Variants in SORCS2 observed in about 807,000 individuals in gnomAD.
The protein encoded by SORCS2 is sortilin related VPS10 domain containing receptor 2, also known as VPS10 domain-containing receptor SorCS2.
SORCS2 carries 100 observed loss-of-function variants against 141.6 expected under a neutral mutation model. The observed-to-expected ratio is 0.71, with a 90% CI of 0.60 to 0.83. SORCS2 has a LOEUF of 0.83. Ranked by LOEUF, SORCS2 falls within the 40% of genes least tolerant of loss-of-function variation. SORCS2 has a pLI of 0.00. For missense variants in SORCS2, 1,646 were observed against 1,560.2 expected, an observed-to-expected ratio of 1.05 and a Z score of -0.93; for synonymous variants, 789 against 676.9, an observed-to-expected ratio of 1.17 and a Z score of -2.57.
chr4:7,400,385 C>T (rs184993799), intron 2 of SORCS2, among the ~76,000 whole-genome samples: 1 of 152,324 alleles, frequency 6.6e-6, no homozygotes, highest in East Asian at 1.9e-4. Flanking sequence ...TCCCTCACTA[C>T]TCAGTGCAAA....
intron 1 of SORCS2, among the ~76,000 whole-genome samples, chr4:7,368,118 G>A (rs902385449): frequency 2.0e-5 from 3 of 152,316 alleles, no homozygotes; most frequent in East Asian, 1.9e-4. Context: ...GTGGTGAGGC[G>A]GGTGGTGGTG....
At chr4:7,458,914 G>T (rs188820343) in intron 2 of SORCS2, among the ~76,000 whole-genome samples, 93 of 152,320 alleles carry the variant, frequency 6.1e-4, no homozygotes, top group Admixed American at 2.4e-3. Flanking sequence ...ATAACTGGCT[G>T]TGGGACCATG....
chr4:7,657,608 GGTGAGTGAGTCACTGAATGAGTTAGTGA>G (rs1193835721), intron 5 of SORCS2, among the ~76,000 whole-genome samples: 2 of 151,368 alleles, frequency 1.3e-5, no homozygotes, highest in African/African-American at 4.9e-5. Context: ...TGAGTGAGTG[GGTGAGTGAGTCACTGAATGAGTTAGTGA>G]GTGAGTGAAT....
chr4:7,688,794 G>A (rs908372114), intron 10 of SORCS2, among the ~76,000 whole-genome samples: 2 of 152,188 alleles, frequency 1.3e-5, no homozygotes, highest in South Asian at 2.1e-4. Context: ...CTCTCGTGGT[G>A]CACCCAAGGA....
Position 7,726,165 on chromosome 4 carries a change from A to C in SORCS2, c.2746-615A>C, listed in dbSNP as rs370258928. ...GCTTGGTGCCATGGATGACAGAGCC[A>C]TGGCTCATCCACAGCTGCGGTGGCC... On this transcript the variant is annotated intron_variant, in intron 20 of 26. Coordinates refer to ENST00000507866, the MANE Select transcript of SORCS2 (RefSeq NM_020777.3). Among the ~76,000 whole-genome samples, 558 of 152,336 alleles carry C rather than the reference A, an allele frequency of 3.7e-3. 10 individuals carry two copies. Among genetic ancestry groups the C allele is most frequent in the African/African-American group, 0.012 (519 of 41,590 alleles).
intron 4 of SORCS2, among the ~76,000 whole-genome samples, chr4:7,652,044 C>T (rs1286958041): frequency 6.6e-6 from 1 of 152,214 alleles, no homozygotes; most frequent in Non-Finnish European, 1.5e-5. Context: ...TGCCAGCACC[C>T]ATAACCAGTT....
Position 7,648,641 on chromosome 4 carries a change from G to A in SORCS2, c.814-5493G>A, listed in dbSNP as rs1208099489. On this transcript the variant is annotated intron_variant, in intron 4 of 26. Coordinates refer to ENST00000507866, the MANE Select transcript of SORCS2 (RefSeq NM_020777.3). This position sits in a 1 kb window ranked among gnomAD's most constrained non-coding sequence, Gnocchi z 4.2. ...TTAGAAGCTGCTGGGTCTACTGAGG[G>A]CGGGCGGGGAGTGAGGGGGCTGCCA... Among the ~76,000 whole-genome samples the A allele has an allele frequency of 6.6e-6, 1 of 152,134 alleles. No individual in the cohort carries two copies. The highest frequency in any genetic ancestry group is 2.4e-5 in the African/African-American group (1 of 41,410).
chr4:7,237,050 G>T (rs116110627), intron 1 of SORCS2, among the ~76,000 whole-genome samples: 1 of 152,164 alleles, frequency 6.6e-6, no homozygotes, highest in Non-Finnish European at 1.5e-5. Flanking sequence ...CTGTGCCAGC[G>T]CACATGGTCA....
At chr4:7,448,729 C>A (rs1319170169) in intron 2 of SORCS2, among the ~76,000 whole-genome samples, 3 of 128,570 alleles carry the variant, frequency 2.3e-5, no homozygotes, top group Non-Finnish European at 5.1e-5. Flanking sequence ...TTCCTCCCTC[C>A]CTTCCGTACT....
chr4:7,627,811 T>C (rs1285283571), intron 3 of SORCS2, among the ~76,000 whole-genome samples: 1 of 152,270 alleles, frequency 6.6e-6, no homozygotes, highest in African/African-American at 2.4e-5. Flanking sequence ...CATTCACCAG[T>C]GTTGGTTAGA....
intron 26 of SORCS2, 21 bp downstream of exon 26, chr4:7,737,193 G>T: frequency 2.6e-6 from 4 of 1,550,630 alleles, no homozygotes; most frequent in Non-Finnish European, 2.6e-6. Flanking sequence ...TATAGATGAT[G>T]ATCTCGACTC....
intron 2 of SORCS2, among the ~76,000 whole-genome samples, chr4:7,511,916 A>C (rs879480433): frequency 1.3e-5 from 2 of 152,192 alleles, no homozygotes; most frequent in African/African-American, 2.4e-5. Flanking sequence ...CCCAGGGCCC[A>C]AATCCCACCC....
chr4:7,489,799 C>A (rs1006004504), intron 2 of SORCS2, among the ~76,000 whole-genome samples: 5 of 152,154 alleles, frequency 3.3e-5, no homozygotes, highest in Non-Finnish European at 2.9e-5. Flanking sequence ...CCCTGTTCAT[C>A]AGGAAAATAC....
Position 7,723,728 on chromosome 4 carries a change from A to T in SORCS2, c.2456A>T (p.Asp819Val). The change falls in exon 19 of 27, where the codon GAC (aspartate) becomes GTC (valine). Residue 819 changes from aspartate to valine, a missense_variant. Coordinates refer to ENST00000507866, the MANE Select transcript of SORCS2 (RefSeq NM_020777.3). ...GDVLTTKYQVDLGDGFKAMYV... is the reference protein window; with the variant it reads ...GDVLTTKYQVVLGDGFKAMYV... ...GTCCTGACTACCAAGTACCAGGTAG[A>T]CCTTGGGGACGGCTTCAAGGCCATG... 4 of 1,613,970 alleles carry T rather than the reference A, an allele frequency of 2.5e-6. No homozygotes were observed. The highest frequency in any genetic ancestry group is 3.4e-6 in the Non-Finnish European group (4 of 1,179,886).
At position 7,602,341 on chromosome 4, in the gene SORCS2, C is replaced by T. The variant is rs572340048; in HGVS notation, c.649-35987C>T. Among the ~76,000 whole-genome samples, 226 of 151,650 alleles carry T rather than the reference C, an allele frequency of 1.5e-3. 1 individual carries two copies. The highest frequency in any genetic ancestry group is 5.0e-3 in the African/African-American group (208 of 41,352). On this transcript the variant is annotated intron_variant, in intron 3 of 26. Transcript: ENST00000507866. ...GGAGGGGGCGGCTGCTGGGCGGAGA[C>T]GCTCCTCACTTCCCAGACGGGGCGG... is the stretch of plus-strand genomic sequence containing the variant.
rs1024108904 is a variant in SORCS2, at chr4:7,740,459, G to C, written c.*195G>C. 1.9e-5 allele frequency: 11 copies of C among 592,546 alleles called. No homozygotes were observed. In the African/African-American group the frequency reaches 2.1e-4, roughly 11 times the overall value. The allele number at this position is 592,546 out of a possible 1,614,324, so 36.7% of individuals were successfully genotyped here. Reference sequence around the variant, plus strand: ...ACGGGGGGCCCACGGGACCCCCCGGGACTCCCCGGACATGGCCCTGCCCCT... The same window carrying C: ...ACGGGGGGCCCACGGGACCCCCCGGCACTCCCCGGACATGGCCCTGCCCCT... On this transcript the variant is annotated 3_prime_UTR_variant, in exon 27 of 27. Coordinates refer to ENST00000507866, the MANE Select transcript of SORCS2 (RefSeq NM_020777.3).
At chr4:7,677,011 A>C (rs1365596619) in intron 9 of SORCS2, among the ~76,000 whole-genome samples, 2 of 142,570 alleles carry the variant, frequency 1.4e-5, no homozygotes, top group African/African-American at 5.3e-5. Context: ...TCTGTGTGTG[A>C]AGTTGGCCTC....
In SORCS2 at chr4:7,508,350, C is replaced by CT. The variant is rs35443053; in HGVS notation, c.549-23158dup. Among the ~76,000 whole-genome samples the CT allele has an allele frequency of 1.8e-3, 124 of 69,724 alleles. 2 individuals carry two copies. Among genetic ancestry groups the CT allele is most frequent in the African/African-American group, 4.2e-3 (89 of 21,148 alleles). 45.7% of individuals were successfully genotyped at this position (69,724 alleles called of 152,430 possible). A position where few individuals can be genotyped will look rare whatever the true frequency, so the allele number is the denominator to read the frequency against. On this transcript the variant is annotated intron_variant, in intron 2 of 26. Coordinates refer to ENST00000507866, the MANE Select transcript of SORCS2 (RefSeq NM_020777.3). ...TACCTGAGGATGCTGAGATCTCAGG[C>CT]TTTTTTTTTTTTTTTTTTTTTTGAC...
intron 8 of SORCS2, among the ~76,000 whole-genome samples, chr4:7,670,941 G>A (rs1722763330): frequency 6.6e-6 from 1 of 152,218 alleles, no homozygotes; most frequent in Admixed American, 6.5e-5. Context: ...ACCACCATGA[G>A]TTGAAACAGC....
Sources: gnomAD v4.1 joint callset for allele counts (sites outside exome capture counted in the v4.1 genomes callset) on GRCh38, gnomAD v4.1.1 for gene constraint, Gnocchi (gnomAD v3.1) non-coding constraint, MANE v1.5 for transcripts, NCBI Gene and HGNC (gene_info 2026-07-23, HGNC 2026-07-21) for gene names.